Variants in NFE2L2 observed in about 807,000 individuals in gnomAD.
NFE2L2 encodes NFE2 like bZIP transcription factor 2.
In NFE2L2, 20 loss-of-function variants were observed where a neutral mutation model predicts 49.6. That is an observed-to-expected ratio of 0.40 (90% CI 0.28 to 0.59). The LOEUF (loss-of-function observed/expected upper bound fraction) is 0.59, where lower values mean the gene tolerates loss of function less well. Among genes scored for constraint, NFE2L2 ranks in the 20% least tolerant of loss-of-function variants. The pLI is 0.40. For synonymous variants in NFE2L2, 244 were observed against 256.5 expected (o/e 0.95, Z 0.47); for missense variants, 578 against 714.2 (o/e 0.81, Z 2.17).
chr2:177,247,814 T>C (rs1026070066), intron 1 of NFE2L2, among the ~76,000 whole-genome samples: 13 of 152,206 alleles, frequency 8.5e-5, no homozygotes, highest in Non-Finnish European at 1.9e-4. Flanking sequence ...TTTGTGCCTT[T>C]GGAACTGGCA....
rs1359987322 is a variant in NFE2L2 at position 177,233,993 on chromosome 2, AGTACTCT to A, written c.312+5_312+11del. 1 of 1,614,066 alleles carries A rather than the reference AGTACTCT, an allele frequency of 6.2e-7. No homozygotes were observed. On this transcript the variant is annotated splice_donor_5th_base_variant and intron_variant, in intron 2 of 4. Coordinates refer to ENST00000397062, the MANE Select transcript of NFE2L2 (RefSeq NM_006164.5). ...CCTGCCATAACTTTCCCAAGAACTG[AGTACTCT>A]GTACCTGGGAGTAGTTGGCAGATCC...
At chr2:177,254,381 T>TG (rs1312935694) in intron 1 of NFE2L2, among the ~76,000 whole-genome samples, 3 of 152,194 alleles carry the variant, frequency 2.0e-5, no homozygotes, top group Non-Finnish European at 4.4e-5. Context: ...CCTGGTGAGA[T>TG]GGCAGGCTTC....
Position 177,231,395 on chromosome 2 carries a change from A to G in NFE2L2, c.1208T>C (p.Met403Thr). 4 of 1,614,254 alleles carry G rather than the reference A, an allele frequency of 2.5e-6. No individual in the cohort carries two copies. The highest frequency in any genetic ancestry group is 2.7e-5 in the African/African-American group (2 of 75,066). ...PKTPVHSSGD[M>T]VQPLSPSQGQ... is the part of the protein sequence containing the mutation. ...CTGAGATGGTGACAAGGGTTGTACC[A>G]TATCCCCAGAAGAATGTACTGGTGT... The change falls in exon 5 of 5, where the codon ATG becomes ACG. Residue 403 changes from methionine to threonine, a missense_variant. This residue lies in a region of NFE2L2 where 368 missense variants were observed against 384.6 expected (regional missense o/e 0.96). Coordinates refer to ENST00000397062, the MANE Select transcript of NFE2L2 (RefSeq NM_006164.5).
At chr2:177,236,846 T>G (rs970521517) in intron 1 of NFE2L2, among the ~76,000 whole-genome samples, 1 of 151,764 alleles carries the variant, frequency 6.6e-6, no homozygotes, top group African/African-American at 2.4e-5. Context: ...TTTTTTCCAC[T>G]TTTTTCCTTT....
chr2:177,248,891 C>T (rs974627772), intron 1 of NFE2L2, among the ~76,000 whole-genome samples: 5 of 152,094 alleles, frequency 3.3e-5, no homozygotes, highest in Admixed American at 6.6e-5. Context: ...CATTATCAAG[C>T]GCAAACCTGG....
At chr2:177,236,763 C>A (rs1350408656) in intron 1 of NFE2L2, among the ~76,000 whole-genome samples, 2 of 152,134 alleles carry the variant, frequency 1.3e-5, no homozygotes, top group African/African-American at 4.8e-5. Flanking sequence ...CTTACAATAC[C>A]TAGTAAAGTG....
intron 1 of NFE2L2, among the ~76,000 whole-genome samples, chr2:177,261,109 T>C (rs1690719376): frequency 6.8e-6 from 1 of 146,566 alleles, no homozygotes; most frequent in South Asian, 2.1e-4. Context: ...AAGTAGAGGC[T>C]GCAGTGAGCC....
chr2:177,256,373 A>G (rs542681312), intron 1 of NFE2L2, among the ~76,000 whole-genome samples: 2 of 152,294 alleles, frequency 1.3e-5, no homozygotes, highest in East Asian at 3.9e-4. Context: ...GAAATAAAGC[A>G]AAATTCTATA....
chr2:177,232,057 T>C (rs754471366), intron 4 of NFE2L2, 49 bp from the exon 5 acceptor site: 6 of 1,498,800 alleles, frequency 4.0e-6, no homozygotes, highest in South Asian at 1.4e-5. Flanking sequence ...TAATCCATGA[T>C]AATACGTGAT....
At chr2:177,261,321 C>T (rs565912831) in intron 1 of NFE2L2, among the ~76,000 whole-genome samples, 8 of 152,290 alleles carry the variant, frequency 5.3e-5, no homozygotes, top group Non-Finnish European at 1.0e-4. Context: ...CACCTCCCCA[C>T]GTCACATACA....
intron 4 of NFE2L2, 94 bp from the exon 5 acceptor site, chr2:177,232,102 A>T: frequency 8.4e-7 from 1 of 1,197,174 alleles, no homozygotes; most frequent in South Asian, 1.6e-5. Flanking sequence ...CATTATCTTC[A>T]GGCTTATCTC....
At position 177,232,114 on chromosome 2, in the gene NFE2L2, A is replaced by G. The variant is rs1689575735; in HGVS notation, c.595-106T>C. 2.6e-5 allele frequency: 28 copies of G among 1,091,908 alleles called. No individual in the cohort carries two copies. In the Middle Eastern group the frequency reaches 7.5e-4, roughly 29 times the overall value. 67.6% of individuals were successfully genotyped at this position (1,091,908 alleles called of 1,614,324 possible). A position where few individuals can be genotyped will look rare whatever the true frequency, so the allele number is the denominator to read the frequency against. On this transcript the variant is annotated intron_variant, in intron 4 of 4. Transcript: ENST00000397062. ...CCACATTATCTTCAGGCTTATCTCT[A>G]TAATTTATTATCTATAATTCAGAGA...
At chr2:177,248,717 C>CT (rs895276233) in intron 1 of NFE2L2, among the ~76,000 whole-genome samples, 5 of 152,136 alleles carry the variant, frequency 3.3e-5, no homozygotes, top group Middle Eastern at 3.4e-3. Context: ...CCTCTGTACT[C>CT]TTTTTTTTAT....
intron 3 of NFE2L2, 197 bp downstream of exon 3, chr2:177,233,050 GTTT>G: frequency 4.5e-6 from 2 of 446,246 alleles, no homozygotes; most frequent in East Asian, 4.4e-5. Flanking sequence ...TGTGTGAAGG[GTTT>G]TTTTTTTTCT....
intron 1 of NFE2L2, among the ~76,000 whole-genome samples, chr2:177,255,487 CAT>C (rs1251468061): frequency 2.0e-5 from 3 of 152,208 alleles, no homozygotes; most frequent in East Asian, 1.9e-4. Context: ...AGGAGAAGAA[CAT>C]GTGGGTTGGC....
intron 1 of NFE2L2, among the ~76,000 whole-genome samples, chr2:177,255,658 C>G (rs1216675464): frequency 6.6e-6 from 1 of 152,126 alleles, no homozygotes; most frequent in Admixed American, 6.5e-5. Flanking sequence ...CTCCTGGGCT[C>G]AAGCTATTCT....
intron 1 of NFE2L2, among the ~76,000 whole-genome samples, chr2:177,259,369 G>A (rs907678793): frequency 6.6e-6 from 1 of 152,030 alleles, no homozygotes; most frequent in Non-Finnish European, 1.5e-5. Flanking sequence ...ACTAGTACCA[G>A]CAGTTTGGAC....
intron 1 of NFE2L2, among the ~76,000 whole-genome samples, chr2:177,239,323 G>A (rs750003407): frequency 6.6e-6 from 1 of 152,042 alleles, no homozygotes; most frequent in Non-Finnish European, 1.5e-5. Context: ...CAGTGCAATC[G>A]TAATAGGACC....
chr2:177,261,661 G>A (rs1690747686), intron 1 of NFE2L2, among the ~76,000 whole-genome samples: 1 of 152,098 alleles, frequency 6.6e-6, no homozygotes, highest in Non-Finnish European at 1.5e-5. Flanking sequence ...TGGAAACCAG[G>A]GATAATAATA....
Sources: allele counts gnomAD v4.1 joint callset (sites outside exome capture counted in the v4.1 genomes callset), GRCh38; gene constraint gnomAD v4.1.1; regional missense constraint gnomAD v4.1.1; transcripts MANE v1.5; gene names NCBI Gene and HGNC (gene_info 2026-07-23, HGNC 2026-07-21).